SLC39A5: variants seen among roughly 807,000 people sequenced by gnomAD.
The protein encoded by SLC39A5 is zinc transporter ZIP5.
In SLC39A5, 42 loss-of-function variants were observed where a neutral mutation model predicts 46.9. The observed-to-expected ratio is 0.90, with a 90% confidence interval of 0.70 to 1.16. The LOEUF (loss-of-function observed/expected upper bound fraction) is 1.16, where lower values mean the gene tolerates loss of function less well. SLC39A5 is among the 50% of genes most tolerant of loss of function. SLC39A5 has a pLI of 0.00. For synonymous variants in SLC39A5, 311 were observed against 323.1 expected (o/e 0.96, Z 0.40); for missense variants, 677 against 686.8 (o/e 0.99, Z 0.16).
intron 10 of SLC39A5, 66 bp from the exon 11 acceptor site, chr12:56,236,865 C>G: frequency 6.2e-7 from 1 of 1,603,230 alleles, no homozygotes; most frequent in East Asian, 2.2e-5. Context: ...GACCACGGAA[C>G]ACAGGAACCT....
Position 56,236,933 on chromosome 12 carries a change from G to T in SLC39A5, c.1210G>T (p.Ala404Ser), listed in dbSNP as rs967915711. ...HNLTDGLAIG[A>S]AFSDGFSSGL... is the part of the protein sequence containing the mutation. ...ACTTCCGACCCTGCTGGCCCCAGGTGCTGCCTTCTCTGATGGCTTCTCCAG... is the reference window on the plus strand; with the variant it reads ...ACTTCCGACCCTGCTGGCCCCAGGTTCTGCCTTCTCTGATGGCTTCTCCAG... The change falls in exon 11 of 13, where the codon GCT becomes TCT. Residue 404 changes from alanine to serine, a missense_variant and splice_region_variant. Transcript: ENST00000454355. 3.1e-6 allele frequency: 5 copies of T among 1,614,100 alleles called. No individual in the cohort carries two copies. The African/African-American group carries it at 5.3e-5, about 17-fold the overall frequency.
intron 6 of SLC39A5, 77 bp downstream of exon 6, chr12:56,235,063 G>A: frequency 2.5e-6 from 4 of 1,593,188 alleles, no homozygotes; most frequent in Non-Finnish European, 3.4e-6. Flanking sequence ...GCTCACTGGG[G>A]TCCTGCCTCT....
intron 8 of SLC39A5, 82 bp from the exon 9 acceptor site, chr12:56,236,313 AT>A: frequency 7.7e-7 from 1 of 1,295,654 alleles, no homozygotes; most frequent in Non-Finnish European, 1.1e-6. Flanking sequence ...CCAGGTGTTC[AT>A]CTTCCCAGCT....
chr12:56,234,939 T>A lies in SLC39A5; in HGVS notation c.587T>A (p.Val196Asp). The change falls in exon 6 of 13, where the codon GTC becomes GAC. Residue 196 changes from valine (V) to aspartate (D), a missense_variant. Coordinates refer to ENST00000454355, the MANE Select transcript of SLC39A5 (RefSeq NM_173596.3). ...PALLYQIDSR[V>D]CIGAPAPAPP... Reference sequence around the variant, plus strand: ...CTGCTTTATCAGATCGACAGCCGCGTCTGCATCGGCGCTCCGGCCCCTGCA... The same window carrying A: ...CTGCTTTATCAGATCGACAGCCGCGACTGCATCGGCGCTCCGGCCCCTGCA... 6.2e-7 allele frequency: 1 copy of A among 1,613,774 alleles called. No individual in the cohort carries two copies. Among genetic ancestry groups the A allele is most frequent in the Non-Finnish European group, 8.5e-7 (1 of 1,180,020 alleles).
intron 4 of SLC39A5, among the ~76,000 whole-genome samples, chr12:56,232,251 T>C (rs112133969): frequency 2.7e-5 from 4 of 148,656 alleles, no homozygotes; most frequent in Admixed American, 6.8e-5. Flanking sequence ...CTGTAACCTC[T>C]GCCTCCCCGG....
chr12:56,232,550 T>G, intron 4 of SLC39A5, 139 bp from the exon 5 acceptor site: 4 of 735,276 alleles, frequency 5.4e-6, no homozygotes, highest in Non-Finnish European at 4.3e-6. Context: ...TTCCTAAGAA[T>G]GACATTCCAT....
chr12:56,233,045 T>G (rs1425812221), intron 5 of SLC39A5, among the ~76,000 whole-genome samples, 173 bp downstream of exon 5: 1 of 152,056 alleles, frequency 6.6e-6, no homozygotes, highest in East Asian at 1.9e-4. Flanking sequence ...GTGGATCACC[T>G]GAGGTCAGGA....
intron 4 of SLC39A5, among the ~76,000 whole-genome samples, chr12:56,232,457 T>C (rs565565331): frequency 5.3e-5 from 8 of 152,162 alleles, no homozygotes; most frequent in South Asian, 4.1e-4. Context: ...TGAGCCACCG[T>C]GCCCAGCCAT....
rs369080240 is a variant in SLC39A5 at position 56,231,386 on chromosome 12, C to A, written c.112C>A (p.His38Asn). ...NLGPAEQEQN[H>N]YLAQLFGLYG... is the part of the protein sequence containing the mutation. ...GGGCCCTGCTGAGCAGGAGCAGAAC[C>A]ATTACCTGGCCCAGCTGTTTGGCCT... The change falls in exon 4 of 13, where the codon CAT becomes AAT. Residue 38 changes from histidine to asparagine, a missense_variant. By Grantham distance (68) the His-to-Asn change is moderately conservative. Transcript: ENST00000454355. 1.9e-5 allele frequency: 30 copies of A among 1,613,976 alleles called. No homozygotes were observed. The highest frequency in any genetic ancestry group is 2.4e-5 in the Non-Finnish European group (28 of 1,180,022).
In SLC39A5 at chr12:56,231,254, C is replaced by A; in HGVS notation, c.-21C>A. The A allele has an allele frequency of 6.3e-6, 10 of 1,579,266 alleles. No homozygotes were observed. The highest frequency in any genetic ancestry group is 8.6e-6 in the Non-Finnish European group (10 of 1,162,124). ...GAGAATAGGAGCCAGAACCTGAGCCCCTAAGCTATTCCCCTCACCAATGAT... is the reference window on the plus strand; with the variant it reads ...GAGAATAGGAGCCAGAACCTGAGCCACTAAGCTATTCCCCTCACCAATGAT... On this transcript the variant is annotated 5_prime_UTR_variant, in exon 4 of 13. Coordinates refer to ENST00000454355, the MANE Select transcript of SLC39A5 (RefSeq NM_173596.3).
chr12:56,230,658 C>G (rs1870117143), intron 2 of SLC39A5, 173 bp from the exon 3 acceptor site: 1 of 152,264 alleles, frequency 6.6e-6, no homozygotes, highest in Admixed American at 6.5e-5. Flanking sequence ...GACCAGTGAA[C>G]CATTAACTCC....
At position 56,234,834 on chromosome 12, in the gene SLC39A5, G is replaced by A. The variant is rs1308495026; in HGVS notation, c.482G>A (p.Gly161Asp). ...CCCTCAATTCTCCAGTGTCTGAACGGCTCCCAGCTGCTGGTCAATTTTGGC... is the reference window on the plus strand; with the variant it reads ...CCCTCAATTCTCCAGTGTCTGAACGACTCCCAGCTGCTGGTCAATTTTGGC... ...ADHLNEDCLN[G>D]SQLLVNFGLS... Residue 161 changes from glycine (G) to aspartate (D), a missense_variant, in exon 6 of 13, where the codon GGC becomes GAC. Coordinates refer to ENST00000454355, the MANE Select transcript of SLC39A5 (RefSeq NM_173596.3). The A allele has an allele frequency of 6.2e-7, 1 of 1,613,494 alleles. No homozygotes were observed. The highest frequency in any genetic ancestry group is 8.5e-7 in the Non-Finnish European group (1 of 1,180,014).
intron 5 of SLC39A5, among the ~76,000 whole-genome samples, chr12:56,233,683 G>A (rs1870457180): frequency 6.6e-6 from 1 of 152,084 alleles, no homozygotes; most frequent in Non-Finnish European, 1.5e-5. Context: ...GGAATGGATG[G>A]CTGTCTTCAT....
At position 56,232,756 on chromosome 12, in the gene SLC39A5, G is replaced by A. The variant is rs759663047; in HGVS notation, c.355G>A (p.Asp119Asn). The change falls in exon 5 of 13, where the codon GAC becomes AAC. Residue 119 changes from aspartate to asparagine, a missense_variant. Asp to Asn is a conservative substitution (Grantham distance 23, BLOSUM62 1). Transcript: ENST00000454355. Reference sequence around the variant, plus strand: ...GCCTCTGGGTCCCTCAGGGTGGGGTGACCTGGAAGAGTCAAAGGCCCCTCA... The same window carrying A: ...GCCTCTGGGTCCCTCAGGGTGGGGTAACCTGGAAGAGTCAAAGGCCCCTCA... ...GMPLGPSGWG[D>N]LEESKAPHLP... The A allele has an allele frequency of 1.2e-6, 2 of 1,612,606 alleles. No homozygotes were observed. Among genetic ancestry groups the A allele is most frequent in the Non-Finnish European group, 1.7e-6 (2 of 1,179,460 alleles).
chr12:56,231,414 A>T lies in SLC39A5; in HGVS notation c.140A>T (p.Tyr47Phe). 2 of 1,614,054 alleles carry T rather than the reference A, an allele frequency of 1.2e-6. No homozygotes were observed. The highest frequency in any genetic ancestry group is 1.7e-5 in the Admixed American group (1 of 60,002). ...NHYLAQLFGL[Y>F]GENGTLTAGG... ...TACCTGGCCCAGCTGTTTGGCCTGT[A>T]CGGCGAGAATGGGACGCTGACTGCA... The change falls in exon 4 of 13, where the codon TAC (tyrosine) becomes TTC (phenylalanine). Residue 47 changes from tyrosine (Y) to phenylalanine (F), a missense_variant. Coordinates refer to ENST00000454355, the MANE Select transcript of SLC39A5 (RefSeq NM_173596.3).
Position 56,231,432 on chromosome 12 carries a change from T to G in SLC39A5, c.158T>G (p.Leu53Arg), listed in dbSNP as rs754188475. 1 of 1,614,122 alleles carries G rather than the reference T, an allele frequency of 6.2e-7. No homozygotes were observed. Among genetic ancestry groups the G allele is most frequent in the East Asian group, 2.2e-5 (1 of 44,878 alleles). ...GGCCTGTACGGCGAGAATGGGACGCTGACTGCAGGGGGCTTGGCGCGGCTT... is the reference window on the plus strand; with the variant it reads ...GGCCTGTACGGCGAGAATGGGACGCGGACTGCAGGGGGCTTGGCGCGGCTT... ...LFGLYGENGT[L>R]TAGGLARLLH... The change falls in exon 4 of 13, where the codon CTG (leucine) becomes CGG (arginine). Residue 53 changes from leucine (L) to arginine (R), a missense_variant. Transcript: ENST00000454355.
At chr12:56,231,174 G>A (rs760951174) in intron 3 of SLC39A5, 30 bp from the exon 4 acceptor site, 40 of 1,322,440 alleles carry the variant, frequency 3.0e-5, no homozygotes, top group African/African-American at 5.9e-5. Flanking sequence ...AGAGCAGAGC[G>A]CAGCTCCAGC....
At position 56,235,681 on chromosome 12, in the gene SLC39A5, G is replaced by A. The variant is rs775393389; in HGVS notation, c.926G>A (p.Arg309Gln). The change falls in exon 8 of 13, where the codon CGG becomes CAG. Residue 309 changes from arginine (R) to glutamine (Q), a missense_variant. By Grantham distance (43) the Arg-to-Gln change is conservative (BLOSUM62 1). Transcript: ENST00000454355. The stretch of plus-strand genomic sequence containing the variant: ...CTGGAGAACATGCTGGGGCTTTTGC[G>A]GCACCGAGGGCTCAGGCCAGTGAGT... ...FVLENMLGLL[R>Q]HRGLRPRCCR... The A allele has an allele frequency of 5.2e-5, 84 of 1,613,986 alleles. No individual in the cohort carries two copies. The highest frequency in any genetic ancestry group is 1.6e-4 in the Middle Eastern group (1 of 6,062).
At chr12:56,234,151 T>C (rs554909836) in intron 5 of SLC39A5, among the ~76,000 whole-genome samples, 7 of 151,702 alleles carry the variant, frequency 4.6e-5, no homozygotes, top group Non-Finnish European at 4.4e-5. Flanking sequence ...TAAATATATA[T>C]ATATATATTT....
Sources: gnomAD v4.1 joint callset for allele counts (sites outside exome capture counted in the v4.1 genomes callset) on GRCh38, gnomAD v4.1.1 for gene constraint, MANE v1.5 for transcripts, NCBI Gene and HGNC (gene_info 2026-07-23, HGNC 2026-07-21) for gene names.